ZNF366: variants seen among roughly 807,000 people sequenced by gnomAD.
ZNF366 encodes zinc finger protein 366.
A neutral mutation model predicts 47.2 loss-of-function variants in ZNF366; 20 were observed. The observed-to-expected ratio is 0.42, with a 90% CI of 0.30 to 0.62. ZNF366 has a LOEUF of 0.62. Ranked by LOEUF, ZNF366 falls within the 20% of genes least tolerant of loss-of-function variation. The pLI is 0.16. For synonymous variants in ZNF366, 421 were observed against 395.1 expected (o/e 1.07, Z -0.78); for missense variants, 987 against 976.3 (o/e 1.01, Z -0.15).
intron 1 of ZNF366, among the ~76,000 whole-genome samples, chr5:72,470,227 A>G (rs1216088469): frequency 1.3e-5 from 2 of 152,190 alleles, no homozygotes; most frequent in East Asian, 3.8e-4. Context: ...GTTGTTTATT[A>G]TAATAATCTC....
rs190481964 is a variant in ZNF366, at chr5:72,452,802, C to T, written c.1524+3602G>A. On this transcript the variant is annotated intron_variant, in intron 3 of 4. Coordinates refer to ENST00000318442, the MANE Select transcript of ZNF366 (RefSeq NM_152625.3). ...TTTTCCTGGACAGGTTTCCCGAAGA[C>T]GGCAGCTGGTTCTTTGCTGTTATGG... Among the ~76,000 whole-genome samples the T allele has an allele frequency of 1.2e-3, 176 of 152,312 alleles. 1 individual carries two copies. The highest frequency in any genetic ancestry group is 4.1e-3 in the African/African-American group (169 of 41,574).
At chr5:72,490,712 C>G (rs1043502182) in intron 1 of ZNF366, among the ~76,000 whole-genome samples, 3 of 152,172 alleles carry the variant, frequency 2.0e-5, no homozygotes, top group Non-Finnish European at 4.4e-5. Context: ...TTTAACATCC[C>G]TGCCCACCCC....
intron 1 of ZNF366, among the ~76,000 whole-genome samples, chr5:72,504,105 G>GCA (rs199645795): frequency 6.6e-6 from 1 of 151,708 alleles, no homozygotes; most frequent in African/African-American, 2.4e-5. Context: ...ACGCGTGCAT[G>GCA]CACACACACA....
chr5:72,496,808 A>G (rs944860597), intron 1 of ZNF366, among the ~76,000 whole-genome samples: 2 of 152,158 alleles, frequency 1.3e-5, no homozygotes, highest in Non-Finnish European at 2.9e-5. Context: ...CATATTTTCC[A>G]TCTTTTTGGT....
intron 1 of ZNF366, among the ~76,000 whole-genome samples, chr5:72,492,065 G>A (rs1744024191): frequency 6.6e-6 from 1 of 152,164 alleles, no homozygotes. Context: ...TTACTTAGAT[G>A]GCTGGAGTTC....
In ZNF366 at chr5:72,460,510, C is replaced by T. The variant is rs1377428535; in HGVS notation, c.987G>A (p.Met329Ile). The T allele has an allele frequency of 1.5e-5, 25 of 1,613,956 alleles. No homozygotes were observed. Among genetic ancestry groups the T allele is most frequent in the Non-Finnish European group, 1.8e-5 (21 of 1,180,022 alleles). Residue 329 changes from methionine (M) to isoleucine (I), a missense_variant, in exon 2 of 5, where the codon ATG becomes ATA. Around this residue, in one of 3 missense-constraint regions of ZNF366, gnomAD observed 591 missense variants for 560.9 expected, o/e 1.05. Coordinates refer to ENST00000318442, the MANE Select transcript of ZNF366 (RefSeq NM_152625.3). ...TQTSHLKRHM[M>I]QHSEVKPHNC... ...TGTGCGGCTTCACCTCGCTGTGCTG[C>T]ATCATGTGGCGCTTCAGGTGGCTGG...
At chr5:72,493,923 T>C (rs1744060915) in intron 1 of ZNF366, among the ~76,000 whole-genome samples, 1 of 141,952 alleles carries the variant, frequency 7.0e-6, no homozygotes, top group Non-Finnish European at 1.5e-5. Flanking sequence ...CCCAGCTTTT[T>C]TTTTTTTTTT....
rs145906723 is a variant in ZNF366 at position 72,503,097 on chromosome 5, C to A, written c.-15+4154G>T. On this transcript the variant is annotated intron_variant, in intron 1 of 4. Transcript: ENST00000318442. The stretch of plus-strand genomic sequence containing the variant: ...CCAAGATTGTGCCACTGTACTCTAG[C>A]CTGGGTGACAGAGCCTGACTCTGTC... Among the ~76,000 whole-genome samples, 1,417 of 152,140 alleles carry A rather than the reference C, an allele frequency of 9.3e-3. 18 individuals carry two copies. The highest frequency in any genetic ancestry group is 0.051 in the Middle Eastern group (15 of 294).
intron 1 of ZNF366, among the ~76,000 whole-genome samples, chr5:72,487,915 A>T (rs932550107): frequency 1.3e-5 from 2 of 152,198 alleles, no homozygotes; most frequent in Non-Finnish European, 2.9e-5. Context: ...AAGAACTGAC[A>T]TAACAGGGTA....
chr5:72,448,172 G>A (rs1318020522), intron 3 of ZNF366, among the ~76,000 whole-genome samples: 2 of 152,116 alleles, frequency 1.3e-5, no homozygotes, highest in Non-Finnish European at 2.9e-5. Context: ...GGATTTCAAA[G>A]ATAAAAAAAT....
At chr5:72,484,495 A>AAAATAAT (rs1313925109) in intron 1 of ZNF366, among the ~76,000 whole-genome samples, 4 of 145,824 alleles carry the variant, frequency 2.7e-5, no homozygotes, top group African/African-American at 1.0e-4. Context: ...AAAAAAAAAA[A>AAAATAAT]AATAATAATA....
Position 72,460,201 on chromosome 5 carries a change from C to G in ZNF366, c.1296G>C (p.Gln432His). The G allele has an allele frequency of 1.2e-6, 2 of 1,614,246 alleles. No individual in the cohort carries two copies. Among genetic ancestry groups the G allele is most frequent in the Non-Finnish European group, 1.7e-6 (2 of 1,180,036 alleles). The stretch of plus-strand genomic sequence containing the variant: ...GGGAGTGCTGCTTGAGGTGGTGCGG[C>G]TGCACAAACTCCATGCCACACTCTG... The part of the protein sequence containing the change: ...ICSECGMEFV[Q>H]PHHLKQHSLT... Residue 432 changes from glutamine to histidine, a missense_variant, in exon 2 of 5, where the codon CAG becomes CAC. By Grantham distance (24) the Gln-to-His change is conservative. This residue lies in a region of ZNF366 where 111 missense variants were observed against 180.5 expected (regional missense o/e 0.61). Coordinates refer to ENST00000318442, the MANE Select transcript of ZNF366 (RefSeq NM_152625.3).
At position 72,460,980 on chromosome 5, in the gene ZNF366, G is replaced by A. The variant is rs1177123187; in HGVS notation, c.517C>T (p.Pro173Ser). Residue 173 changes from proline to serine, a missense_variant, in exon 2 of 5, where the codon CCC becomes TCC. Physicochemically the swap from Pro to Ser is moderately conservative, Grantham distance 74. Transcript: ENST00000318442. ...TGGACTTTGGGGTAGTAGGGGTAGG[G>A]CGTGGGCAGGAATGGAGTGGGCGTT... Reference protein sequence around the residue: ...QPTPTPFLPTPYPYYPKVHPG... With the variant: ...QPTPTPFLPTSYPYYPKVHPG... The A allele has an allele frequency of 6.2e-7, 1 of 1,613,824 alleles. No individual in the cohort carries two copies. The highest frequency in any genetic ancestry group is 8.5e-7 in the Non-Finnish European group (1 of 1,179,978).
At chr5:72,444,386 C>G in intron 4 of ZNF366, 95 bp from the exon 5 acceptor site, 25 of 1,325,818 alleles carry the variant, frequency 1.9e-5, no homozygotes, top group Non-Finnish European at 2.6e-5. Context: ...TTAATGTATT[C>G]CGATGCGTAT....
At chr5:72,454,395 G>A (rs529579504) in intron 3 of ZNF366, among the ~76,000 whole-genome samples, 1 of 152,310 alleles carries the variant, frequency 6.6e-6, no homozygotes, top group East Asian at 1.9e-4. Flanking sequence ...GGTCCAAGAA[G>A]TCCTCCAAGC....
intron 1 of ZNF366, among the ~76,000 whole-genome samples, chr5:72,497,294 C>G (rs1277807109): frequency 6.6e-6 from 1 of 152,160 alleles, no homozygotes. Flanking sequence ...GGCCTATGAT[C>G]TACTCCAAGT....
intron 1 of ZNF366, among the ~76,000 whole-genome samples, chr5:72,478,793 C>T (rs1005627491): frequency 3.3e-5 from 5 of 152,178 alleles, no homozygotes; most frequent in Non-Finnish European, 7.4e-5. Flanking sequence ...AGGGTTTGCT[C>T]ACCCCAAGGG....
intron 1 of ZNF366, among the ~76,000 whole-genome samples, chr5:72,468,647 A>C (rs1347437167): frequency 6.6e-6 from 1 of 152,264 alleles, no homozygotes; most frequent in Non-Finnish European, 1.5e-5. Context: ...AGATTCAGCT[A>C]CTAACTTGCA....
intron 4 of ZNF366, among the ~76,000 whole-genome samples, chr5:72,446,435 G>T (rs1742960104): frequency 6.6e-6 from 1 of 152,202 alleles, no homozygotes. Context: ...GGACACAAGT[G>T]CATTTATTGC....
Sources: allele counts gnomAD v4.1 joint callset (sites outside exome capture counted in the v4.1 genomes callset), GRCh38; gene constraint gnomAD v4.1.1; regional missense constraint gnomAD v4.1.1; transcripts MANE v1.5; gene names NCBI Gene and HGNC (gene_info 2026-07-23, HGNC 2026-07-21).